The following TRIP12 variants were observed in gnomAD, a reference collection of about 807,000 sequenced individuals.
TRIP12 encodes E3 ubiquitin-protein ligase TRIP12.
In TRIP12, 25 loss-of-function variants were observed where a neutral mutation model predicts 244.2. That is an observed-to-expected ratio of 0.10 (90% CI 0.07 to 0.14). The LOEUF (loss-of-function observed/expected upper bound fraction) is 0.14. Among genes scored for constraint, TRIP12 ranks in the 10% least tolerant of loss-of-function variants. TRIP12 has a pLI of 1.00. For synonymous variants in TRIP12, 905 were observed against 873.1 expected (o/e 1.04, Z -0.64); for missense variants, 1,677 against 2,486.4 (o/e 0.67, Z 6.92).
At chr2:229,769,507 T>C (rs962810896) in intron 39 of TRIP12, among the ~76,000 whole-genome samples, 182 bp from the exon 40 acceptor site, 1 of 151,858 alleles carries the variant, frequency 6.6e-6, no homozygotes, top group African/African-American at 2.4e-5. Flanking sequence ...AGATTCCATT[T>C]CCTTTTTAGC....
chr2:229,814,788 A>G (rs936258893), intron 11 of TRIP12, among the ~76,000 whole-genome samples: 1 of 152,346 alleles, frequency 6.6e-6, no homozygotes, highest in Non-Finnish European at 1.5e-5. Context: ...TCTCAGCTAC[A>G]TAATGAGGGT....
At chr2:229,912,417 C>T (rs757673614) in intron 1 of TRIP12, among the ~76,000 whole-genome samples, 3 of 152,136 alleles carry the variant, frequency 2.0e-5, no homozygotes, top group African/African-American at 4.8e-5. Context: ...AATCTAATTC[C>T]GTGATCTCCC....
intron 4 of TRIP12, among the ~76,000 whole-genome samples, chr2:229,844,485 T>C (rs1426999161): frequency 1.3e-5 from 2 of 152,238 alleles, no homozygotes; most frequent in African/African-American, 4.8e-5. Flanking sequence ...ATGATCTATG[T>C]TAAAGGCATG....
At chr2:229,880,967 T>C (rs1229413046) in intron 1 of TRIP12, among the ~76,000 whole-genome samples, 1 of 152,054 alleles carries the variant, frequency 6.6e-6, no homozygotes, top group Admixed American at 6.6e-5. Context: ...ACAAACAAAA[T>C]TGTAAAACTA....
intron 4 of TRIP12, among the ~76,000 whole-genome samples, chr2:229,844,836 T>C (rs996697833): frequency 3.9e-5 from 6 of 152,236 alleles, no homozygotes; most frequent in Admixed American, 6.5e-5. Context: ...CACACACCTA[T>C]TTTTAATGTA....
At chr2:229,780,160 C>T (rs1372411704) in intron 34 of TRIP12, among the ~76,000 whole-genome samples, 1 of 152,162 alleles carries the variant, frequency 6.6e-6, no homozygotes, top group Non-Finnish European at 1.5e-5. Flanking sequence ...TGATTAACCC[C>T]AATCCTATTA....
chr2:229,908,918 C>T (rs2073636361), intron 1 of TRIP12, among the ~76,000 whole-genome samples: 1 of 151,034 alleles, frequency 6.6e-6, no homozygotes, highest in African/African-American at 2.4e-5. Context: ...ATAGCGAGAC[C>T]CCTCTACAAA....
At chr2:229,816,000 G>GATAC (rs1171980993) in intron 9 of TRIP12, among the ~76,000 whole-genome samples, 1 of 152,104 alleles carries the variant, frequency 6.6e-6, no homozygotes, top group East Asian at 1.9e-4. Flanking sequence ...AACTGCTGAG[G>GATAC]ATACACACTC....
intron 13 of TRIP12, among the ~76,000 whole-genome samples, chr2:229,813,550 G>T (rs920536269): frequency 6.6e-6 from 1 of 152,174 alleles, no homozygotes; most frequent in African/African-American, 2.4e-5. Context: ...ATGGGGGGCT[G>T]AGGTGGGTGG....
At position 229,868,117 on chromosome 2, in the gene TRIP12, G is replaced by A. The variant is rs149624552; in HGVS notation, c.99-7586C>T. 1.6e-3 allele frequency among the ~76,000 whole-genome samples: 248 copies of A among 152,304 alleles called. 1 individual carries two copies. The East Asian group carries it at 0.02, about 13-fold the overall frequency. On this transcript the variant is annotated intron_variant, in intron 2 of 41. Transcript: ENST00000675903. ...ACAGGTCTCCACAGCTAAAACTCCA[G>A]GCTGCCTAATTAGAGCAGTAAGATT...
intron 1 of TRIP12, among the ~76,000 whole-genome samples, chr2:229,897,754 C>T (rs1280471501): frequency 6.6e-6 from 1 of 152,254 alleles, no homozygotes; most frequent in Non-Finnish European, 1.5e-5. Context: ...TGGCACTTTG[C>T]AAACTTAGAC....
Position 229,793,294 on chromosome 2 carries a change from C to T in TRIP12, c.3969-149G>A, listed in dbSNP as rs1438170940. On this transcript the variant is annotated intron_variant, in intron 26 of 41. Transcript: ENST00000675903. ...TTACCAGTTCTGTGAATGGTAAAGC[C>T]AATAATTCAAGTTATTTAGAAAAAA... 5 of 750,996 alleles carry T rather than the reference C, an allele frequency of 6.7e-6. No homozygotes were observed. In the African/African-American group the frequency reaches 7.0e-5, roughly 11 times the overall value. 46.5% of individuals were successfully genotyped at this position (750,996 alleles called of 1,614,324 possible). A position where few individuals can be genotyped will look rare whatever the true frequency, so the allele number is the denominator to read the frequency against.
intron 8 of TRIP12, among the ~76,000 whole-genome samples, chr2:229,823,737 C>CTTAGAAACTGA (rs2050744923): frequency 6.6e-6 from 1 of 151,886 alleles, no homozygotes. Context: ...CCTGTAACCC[C>CTTAGAAACTGA]AGCAACTTAG....
intron 8 of TRIP12, among the ~76,000 whole-genome samples, chr2:229,828,985 T>C (rs2052536912): frequency 6.6e-6 from 1 of 152,242 alleles, no homozygotes; most frequent in African/African-American, 2.4e-5. Flanking sequence ...TTTATTCTTA[T>C]TTTGTTCAAA....
chr2:229,780,245 T>C (rs904293917), intron 34 of TRIP12, among the ~76,000 whole-genome samples: 1 of 152,174 alleles, frequency 6.6e-6, no homozygotes, highest in African/African-American at 2.4e-5. Flanking sequence ...GAGCCGTCCT[T>C]GGCCATTCTT....
At chr2:229,826,818 G>A (rs1219801676) in intron 8 of TRIP12, among the ~76,000 whole-genome samples, 2 of 152,086 alleles carry the variant, frequency 1.3e-5, no homozygotes, top group African/African-American at 4.8e-5. Flanking sequence ...ATTAAAAAAT[G>A]GTACGTCTGT....
chr2:229,913,424 CT>C (rs1282873125), intron 1 of TRIP12, among the ~76,000 whole-genome samples: 2 of 152,186 alleles, frequency 1.3e-5, no homozygotes, highest in Non-Finnish European at 2.9e-5. Context: ...CTTTTATATT[CT>C]GTCAAGCACA....
chr2:229,812,947 G>A (rs1337221843), intron 13 of TRIP12, among the ~76,000 whole-genome samples: 1 of 151,956 alleles, frequency 6.6e-6, no homozygotes, highest in Non-Finnish European at 1.5e-5. Context: ...AACAAACAAC[G>A]CTTTAAAATA....
chr2:229,804,443 T>C (rs1306280051), intron 18 of TRIP12, among the ~76,000 whole-genome samples: 1 of 152,176 alleles, frequency 6.6e-6, no homozygotes, highest in Non-Finnish European at 1.5e-5. Context: ...TCTAGAAAAC[T>C]AGTGACCCAT....
Sources: gnomAD v4.1 joint callset for allele counts (sites outside exome capture counted in the v4.1 genomes callset) on GRCh38, gnomAD v4.1.1 for gene constraint, MANE v1.5 for transcripts, NCBI Gene and HGNC (gene_info 2026-07-23, HGNC 2026-07-21) for gene names.